Variants in LRRIQ1 observed in about 807,000 individuals in gnomAD.
LRRIQ1 encodes leucine rich repeats and IQ motif containing 1.
LRRIQ1 carries 210 observed loss-of-function variants against 211.9 expected under a neutral mutation model. The ratio of observed to expected loss-of-function variants is 0.99; its 90% confidence interval spans 0.89 to 1.11. The LOEUF is 1.11. LRRIQ1 is among the 50% of genes most tolerant of loss of function. The pLI, the probability that LRRIQ1 is intolerant of heterozygous loss-of-function variation, is 0.00. For synonymous variants in LRRIQ1, 699 were observed against 650.1 expected, an observed-to-expected ratio of 1.08 and a Z score of -1.14; for missense variants, 2,136 against 1,939.5, an observed-to-expected ratio of 1.10 and a Z score of -1.90.
intron 8 of LRRIQ1, among the ~76,000 whole-genome samples, chr12:85,064,375 T>C (rs769373102): frequency 1.3e-4 from 20 of 151,900 alleles, no homozygotes; most frequent in Non-Finnish European, 2.1e-4. Flanking sequence ...ATTATGAGAC[T>C]TTTTCCTATT....
At chr12:85,168,982 C>T (rs182942848) in intron 24 of LRRIQ1, among the ~76,000 whole-genome samples, 1 of 152,282 alleles carries the variant, frequency 6.6e-6, no homozygotes, top group African/African-American at 2.4e-5. Flanking sequence ...TGTCTCACAA[C>T]ACCACTCACT....
chr12:85,150,629 T>C (rs1890178508), intron 19 of LRRIQ1, among the ~76,000 whole-genome samples: 1 of 151,664 alleles, frequency 6.6e-6, no homozygotes. Flanking sequence ...GCATATGTGT[T>C]TCCTTTTATT....
chr12:85,200,549 G>GT (rs1343320242), intron 24 of LRRIQ1, among the ~76,000 whole-genome samples: 4 of 152,096 alleles, frequency 2.6e-5, no homozygotes, highest in African/African-American at 9.7e-5. Context: ...TTTATAAGAG[G>GT]TTTGTTTCCA....
chr12:85,101,289 C>G (rs562274297), intron 13 of LRRIQ1, among the ~76,000 whole-genome samples: 149 of 151,786 alleles, frequency 9.8e-4, no homozygotes, highest in African/African-American at 3.4e-3. Context: ...GTTTGAAATA[C>G]TTGTTTCATC....
chr12:85,203,512 G>A (rs2202668), intron 24 of LRRIQ1, among the ~76,000 whole-genome samples: 33,583 of 152,026 alleles, frequency 0.22, 8,754 homozygotes, highest in African/African-American at 0.63. Context: ...GGAACTTCCT[G>A]GAGACTGTTG....
At chr12:85,257,574 A>T in intron 1 of LRRIQ1, among the ~76,000 whole-genome samples, 1 of 151,730 alleles carries the variant, frequency 6.6e-6, no homozygotes, top group East Asian at 1.9e-4. Flanking sequence ...TCAATTTAAA[A>T]GTTTAAACAC....
chr12:85,113,161 T>C (rs536668080), intron 15 of LRRIQ1, among the ~76,000 whole-genome samples: 8 of 152,286 alleles, frequency 5.3e-5, no homozygotes, highest in African/African-American at 1.9e-4. Context: ...AGAACAGAAT[T>C]GCAATTTTAA....
intron 15 of LRRIQ1, among the ~76,000 whole-genome samples, chr12:85,118,415 G>GA (rs1240674545): frequency 6.7e-6 from 1 of 150,076 alleles, no homozygotes; most frequent in Non-Finnish European, 1.5e-5. Flanking sequence ...ATATTGATGA[G>GA]AAAAAAGGTT....
In LRRIQ1 at chr12:85,077,118, A is replaced by AGC. The variant is rs144566010; in HGVS notation, c.2887+4021_2887+4022dup. Among the ~76,000 whole-genome samples the AGC allele has an allele frequency of 6.6e-4, 101 of 152,324 alleles. 2 individuals are homozygous for AGC. The East Asian group carries it at 0.016, about 24-fold the overall frequency. On this transcript the variant is annotated intron_variant, in intron 11 of 26. Coordinates refer to ENST00000393217, the MANE Select transcript of LRRIQ1 (RefSeq NM_001079910.2). ...CCATCAGACATGGCAATCAGTGAACAGCTGAAGGAGGTTGATCTTCAGTGA... is the reference window on the plus strand; with the variant it reads ...CCATCAGACATGGCAATCAGTGAACAGCGCTGAAGGAGGTTGATCTTCAGTGA...
chr12:85,161,069 T>C (rs1054575321), intron 24 of LRRIQ1, among the ~76,000 whole-genome samples: 3 of 152,134 alleles, frequency 2.0e-5, no homozygotes, highest in Admixed American at 6.5e-5. Flanking sequence ...GTCGAAATGA[T>C]ATTCTGTTTA....
chr12:85,125,900 G>A (rs569075460), intron 17 of LRRIQ1, among the ~76,000 whole-genome samples: 4 of 152,118 alleles, frequency 2.6e-5, no homozygotes, highest in African/African-American at 9.6e-5. Context: ...ATAAACTAAA[G>A]ACCCAAAGAA....
intron 1 of LRRIQ1, among the ~76,000 whole-genome samples, chr12:85,261,821 C>T (rs965005584): frequency 7.0e-6 from 1 of 143,572 alleles, no homozygotes; most frequent in African/African-American, 2.7e-5. Flanking sequence ...CGGAGTTTGG[C>T]TCTTGTTGTC....
chr12:85,100,134 T>C (rs1331471650), intron 13 of LRRIQ1, among the ~76,000 whole-genome samples: 1 of 151,724 alleles, frequency 6.6e-6, no homozygotes, highest in African/African-American at 2.4e-5. Flanking sequence ...CACGGAGGAA[T>C]TGAGATACCT....
At chr12:85,044,385 T>C (rs1437373911) in intron 3 of LRRIQ1, among the ~76,000 whole-genome samples, 1 of 151,948 alleles carries the variant, frequency 6.6e-6, no homozygotes, top group Admixed American at 6.6e-5. Context: ...GCAGATAGAG[T>C]TGAATTTTTG....
intron 25 of LRRIQ1, 102 bp from the exon 26 acceptor site, chr12:85,232,594 G>T (rs934964462): frequency 1.4e-5 from 12 of 871,248 alleles, no homozygotes; most frequent in Non-Finnish European, 1.8e-5. Flanking sequence ...TTTCCATTTT[G>T]TAAATAACGA....
intron 24 of LRRIQ1, among the ~76,000 whole-genome samples, chr12:85,202,418 C>T (rs1893342526): frequency 6.6e-6 from 1 of 152,072 alleles, no homozygotes. Flanking sequence ...GCTATCTAAG[C>T]CTCTTCATAG....
intron 19 of LRRIQ1, among the ~76,000 whole-genome samples, chr12:85,144,027 G>A (rs2136606050): frequency 6.6e-6 from 1 of 151,570 alleles, no homozygotes; most frequent in African/African-American, 2.4e-5. Flanking sequence ...TAGTAAGCAT[G>A]GTACCTGACA....
chr12:85,176,805 C>G (rs975032898), intron 24 of LRRIQ1, among the ~76,000 whole-genome samples: 94 of 152,042 alleles, frequency 6.2e-4, no homozygotes, highest in African/African-American at 2.2e-3. Context: ...TATTTATAGT[C>G]ATGGTAACAA....
intron 24 of LRRIQ1, among the ~76,000 whole-genome samples, chr12:85,218,799 G>A (rs1320389368): frequency 6.6e-6 from 1 of 151,998 alleles, no homozygotes; most frequent in Non-Finnish European, 1.5e-5. Flanking sequence ...ATATTTCTCA[G>A]AAATGAATAA....
Sources: gnomAD v4.1 joint callset for allele counts (sites outside exome capture counted in the v4.1 genomes callset) on GRCh38, gnomAD v4.1.1 for gene constraint, MANE v1.5 for transcripts, NCBI Gene and HGNC (gene_info 2026-07-23, HGNC 2026-07-21) for gene names.